Variants in GALNT16 observed in about 807,000 individuals in gnomAD.
GALNT16 encodes the protein UDP-GalNAc:polypeptide N-acetylgalactosaminyltransferase-like protein 1.
In GALNT16, 40 loss-of-function variants were observed where a neutral mutation model predicts 76.1. The observed-to-expected ratio is 0.53, with a 90% CI of 0.41 to 0.68. GALNT16 has a LOEUF of 0.68. GALNT16 is among the 30% of genes least tolerant of loss of function. The probability of loss-of-function intolerance (pLI) is 0.00; values close to 1 mark genes in which losing one functional copy is unlikely to be tolerated. For missense variants in GALNT16, 621 were observed against 731.9 expected, an observed-to-expected ratio of 0.85 and a Z score of 1.75; for synonymous variants, 276 against 285.2, an observed-to-expected ratio of 0.97 and a Z score of 0.32.
chr14:69,339,822 T>G (rs1029405081), intron 11 of GALNT16, among the ~76,000 whole-genome samples: 1 of 152,190 alleles, frequency 6.6e-6, no homozygotes, highest in African/African-American at 2.4e-5. Context: ...TGAAATCTCA[T>G]GGGAGAGAAG....
chr14:69,286,974 C>G (rs761159966), intron 1 of GALNT16, among the ~76,000 whole-genome samples: 9 of 152,156 alleles, frequency 5.9e-5, no homozygotes, highest in Admixed American at 1.3e-4. Context: ...AACACAGGAC[C>G]CGTCTACCCC....
chr14:69,366,016 C>T, the GALNT16 span, among the ~76,000 whole-genome samples: 7 of 152,176 alleles, frequency 4.6e-5, no homozygotes, highest in South Asian at 2.1e-4. Context: ...AACGGGACAA[C>T]GGAAAGTCAC....
chr14:69,271,542 C>T (rs1263545948), intron 1 of GALNT16, among the ~76,000 whole-genome samples: 1 of 152,264 alleles, frequency 6.6e-6, no homozygotes, highest in Non-Finnish European at 1.5e-5. Flanking sequence ...GAGCCCTCCT[C>T]ATCACAGGGT....
downstream of GALNT16, among the ~76,000 whole-genome samples, chr14:69,361,163 C>T (rs1393696578): frequency 2.0e-5 from 3 of 152,222 alleles, no homozygotes; most frequent in Admixed American, 2.0e-4. Flanking sequence ...GCTGCATCCT[C>T]CAGCCTGCAG....
chr14:69,338,520 G>C, intron 9 of GALNT16, 131 bp from the exon 10 acceptor site: 1 of 1,271,796 alleles, frequency 7.9e-7, no homozygotes. Context: ...CACTCCATTT[G>C]AGCAGGCCCA....
chr14:69,302,239 T>C (rs570855109), intron 1 of GALNT16, among the ~76,000 whole-genome samples: 1 of 152,330 alleles, frequency 6.6e-6, no homozygotes, highest in African/African-American at 2.4e-5. Context: ...AATGCATTTA[T>C]TCATTGAAGA....
At chr14:69,376,249 AT>A in the GALNT16 span, among the ~76,000 whole-genome samples, 13 of 152,088 alleles carry the variant, frequency 8.5e-5, no homozygotes, top group Admixed American at 8.5e-4. Context: ...AGTAGCCTTA[AT>A]TTAAGGGACC....
At chr14:69,324,969 G>T (rs2045260047) in intron 3 of GALNT16, among the ~76,000 whole-genome samples, 179 bp downstream of exon 3, 1 of 152,194 alleles carries the variant, frequency 6.6e-6, no homozygotes, top group Non-Finnish European at 1.5e-5. Context: ...ACTGTTAGAG[G>T]AATGCGACAG....
chr14:69,326,404 A>T (rs2045285333), intron 5 of GALNT16, among the ~76,000 whole-genome samples: 1 of 152,236 alleles, frequency 6.6e-6, no homozygotes. Flanking sequence ...TGGAGTAGCT[A>T]CTACAGCGTG....
At chr14:69,361,125 C>T (rs2045721375), downstream of GALNT16, among the ~76,000 whole-genome samples, 2 of 152,234 alleles carry the variant, frequency 1.3e-5, no homozygotes, top group South Asian at 2.1e-4. Context: ...GCTTCTGCCT[C>T]AGAAGATCTA....
downstream of GALNT16, chr14:69,355,937 C>T (rs2045689505): frequency 6.6e-6 from 1 of 152,208 alleles, no homozygotes; most frequent in African/African-American, 2.4e-5. Flanking sequence ...GGGGATGTCT[C>T]CCAGCACTGC....
Position 69,341,586 on chromosome 14 carries a change from A to C in GALNT16, c.1188-95A>C, listed in dbSNP as rs1022988136. ...AAGTCTCCTGGTCCTTGCCTGCCTG[A>C]GATAGTTGGGGCTGGGGGACAGGCC... is the stretch of plus-strand genomic sequence containing the variant. On this transcript the variant is annotated intron_variant, in intron 11 of 14. Transcript: ENST00000448469. 7 of 767,010 alleles carry C rather than the reference A, an allele frequency of 9.1e-6. No homozygotes were observed. In the African/African-American group the frequency reaches 1.2e-4, roughly 13 times the overall value. The allele number at this position is 767,010 out of a possible 1,614,324, so 47.5% of individuals were successfully genotyped here. A position where few individuals can be genotyped will look rare whatever the true frequency, so the allele number is the denominator to read the frequency against.
chr14:69,378,805 T>C, the GALNT16 span, among the ~76,000 whole-genome samples: 2 of 152,178 alleles, frequency 1.3e-5, no homozygotes, highest in African/African-American at 4.8e-5. Flanking sequence ...AAAAATAAAT[T>C]AATAAATAAA....
In GALNT16 at chr14:69,324,734, C is replaced by T. The variant is rs201136599; in HGVS notation, c.378C>T (p.Ser126=). ...ACTCCTCGGACCTGCCAGCCACCAGCGTCATCATCACCTTCCACAATGAGG... is the reference window on the plus strand; with the variant it reads ...ACTCCTCGGACCTGCCAGCCACCAGTGTCATCATCACCTTCCACAATGAGG... ...VSYSSDLPAT[S]VIITFHNEAR... is the part of the protein sequence containing the mutation. The change falls in exon 3 of 15, where the codon AGC becomes AGT. Residue 126 remains serine (S), a synonymous_variant. Coordinates refer to ENST00000448469, the MANE Select transcript of GALNT16 (RefSeq NM_001168368.2). 76 of 1,613,032 alleles carry T rather than the reference C, an allele frequency of 4.7e-5. No homozygotes were observed. Among genetic ancestry groups the T allele is most frequent in the Admixed American group, 8.3e-5 (5 of 59,916 alleles).
chr14:69,380,994 A>C, the GALNT16 span, among the ~76,000 whole-genome samples: 1 of 152,196 alleles, frequency 6.6e-6, no homozygotes, highest in African/African-American at 2.4e-5. Flanking sequence ...ACAACAACAA[A>C]AAAATTGGCT....
Position 69,320,270 on chromosome 14 carries a change from G to A in GALNT16, c.178-441G>A, listed in dbSNP as rs182026980. On this transcript the variant is annotated intron_variant, in intron 1 of 14. Transcript: ENST00000448469. ...AGCACTTTGGGAGGCTGAGGTGGGT[G>A]GATCACTTGAGGTCAGGAGTTCAAG... Among the ~76,000 whole-genome samples the A allele has an allele frequency of 7.9e-5, 12 of 152,328 alleles. No individual in the cohort carries two copies. In the East Asian group the frequency reaches 2.3e-3, roughly 29 times the overall value.
At position 69,260,487 on chromosome 14, in the gene GALNT16, C is replaced by T. The variant is rs201221427; in HGVS notation, c.177+20C>T. On this transcript the variant is annotated intron_variant, in intron 1 of 14. Transcript: ENST00000448469. ...CTCATTGTGAGTACGCCCCGAGCGT[C>T]GGCCGGCCGGCTAGGGAGCCGCGGC... The T allele has an allele frequency of 3.8e-5, 52 of 1,356,840 alleles. No individual in the cohort carries two copies. Among genetic ancestry groups the T allele is most frequent in the African/African-American group, 3.1e-4 (20 of 65,204 alleles). The allele number at this position is 1,356,840 out of a possible 1,614,324, so 84.1% of individuals were successfully genotyped here. A position where few individuals can be genotyped will look rare whatever the true frequency, so the allele number is the denominator to read the frequency against.
chr14:69,339,385 C>G, intron 10 of GALNT16, 142 bp from the exon 11 acceptor site: 1 of 665,314 alleles, frequency 1.5e-6, no homozygotes, highest in South Asian at 1.8e-5. Context: ...CCAAAAGGAC[C>G]GTGCTAATCT....
intron 2 of GALNT16, among the ~76,000 whole-genome samples, chr14:69,321,773 AC>A (rs2045189776): frequency 6.6e-6 from 1 of 152,134 alleles, no homozygotes; most frequent in South Asian, 2.1e-4. Context: ...CTCCTTCCCA[AC>A]CCGGGCTAGG....
Sources: allele counts gnomAD v4.1 joint callset (sites outside exome capture counted in the v4.1 genomes callset), GRCh38; gene constraint gnomAD v4.1.1; transcripts MANE v1.5; gene names NCBI Gene and HGNC (gene_info 2026-07-23, HGNC 2026-07-21).